EIF2B3: variants seen among roughly 807,000 people sequenced by gnomAD.
The protein encoded by EIF2B3 is eukaryotic translation initiation factor 2B subunit gamma.
EIF2B3 carries 20 observed loss-of-function variants against 54.1 expected under a neutral mutation model. That is an observed-to-expected ratio of 0.37 (90% CI 0.26 to 0.54). EIF2B3 has a LOEUF of 0.54. EIF2B3 is among the 20% of genes least tolerant of loss of function. The probability of loss-of-function intolerance (pLI) is 0.86; values close to 1 mark genes in which losing one functional copy is unlikely to be tolerated. For missense variants in EIF2B3, 448 were observed against 547.8 expected, an observed-to-expected ratio of 0.82 and a Z score of 1.82; for synonymous variants, 153 against 188.1, an observed-to-expected ratio of 0.81 and a Z score of 1.52.
chr1:44,883,530 T>A (rs1487367772), intron 6 of EIF2B3, among the ~76,000 whole-genome samples: 2 of 152,082 alleles, frequency 1.3e-5, no homozygotes, highest in African/African-American at 4.8e-5. Flanking sequence ...GTGGCCCCCA[T>A]CCAAAACTGG....
intron 8 of EIF2B3, among the ~76,000 whole-genome samples, chr1:44,875,984 CTG>C (rs1197762259): frequency 6.6e-6 from 1 of 152,246 alleles, no homozygotes; most frequent in Non-Finnish European, 1.5e-5. Context: ...ACGGGTTTCG[CTG>C]TGTTGGCCGG....
chr1:44,851,836 T>C (rs1654280015), intron 11 of EIF2B3, among the ~76,000 whole-genome samples: 1 of 152,152 alleles, frequency 6.6e-6, no homozygotes, highest in African/African-American at 2.4e-5. Flanking sequence ...AAGTTGTGGC[T>C]ATTATTATTT....
At position 44,941,636 on chromosome 1, in the gene EIF2B3, C is replaced by G. The variant is rs1226319737; in HGVS notation, c.324G>C (p.Leu108=). The part of the protein sequence containing the change: ...KTDVLVLSCD[L]ITDVALHEVV... ...CCTCATGTAAGGCAACGTCTGTTAT[C>G]AGATCACAGCTCAGCACCAGCACAT... Residue 108 remains leucine, a synonymous_variant, in exon 4 of 12, where the codon CTG becomes CTC. Transcript: ENST00000360403. 1 of 1,614,122 alleles carries G rather than the reference C, an allele frequency of 6.2e-7. No individual in the cohort carries two copies. Among genetic ancestry groups the G allele is most frequent in the Non-Finnish European group, 8.5e-7 (1 of 1,180,036 alleles).
At chr1:44,974,583 C>T (rs1293117644) in intron 3 of EIF2B3, among the ~76,000 whole-genome samples, 1 of 151,906 alleles carries the variant, frequency 6.6e-6, no homozygotes, top group Admixed American at 6.6e-5. Flanking sequence ...TGCTTGAGCC[C>T]AGGAGTTTGG....
intron 1 of EIF2B3, among the ~76,000 whole-genome samples, chr1:44,983,363 C>T (rs1644534538): frequency 6.6e-6 from 1 of 152,210 alleles, no homozygotes; most frequent in Non-Finnish European, 1.5e-5. Flanking sequence ...TATTATTACT[C>T]CTGGGCCCAG....
chr1:44,853,293 T>C (rs1288731216), intron 11 of EIF2B3, among the ~76,000 whole-genome samples: 2 of 151,890 alleles, frequency 1.3e-5, no homozygotes, highest in Non-Finnish European at 2.9e-5. Context: ...TTCAGTAAGT[T>C]GGAGGAAACC....
At chr1:44,934,404 CAAA>C (rs1643924722) in intron 4 of EIF2B3, among the ~76,000 whole-genome samples, 2 of 110,942 alleles carry the variant, frequency 1.8e-5, no homozygotes, top group African/African-American at 6.0e-5. Flanking sequence ...TCTCAAAAAA[CAAA>C]ACAAAACAAA....
intron 3 of EIF2B3, among the ~76,000 whole-genome samples, chr1:44,966,255 T>C (rs640666): frequency 0.68 from 102,783 of 151,510 alleles, 36,927 homozygotes; most frequent in East Asian, 0.98. Context: ...CTGGCTAACA[T>C]GGTGAAACCC....
intron 5 of EIF2B3, among the ~76,000 whole-genome samples, chr1:44,899,992 C>T (rs1643246701): frequency 6.6e-6 from 1 of 152,174 alleles, no homozygotes; most frequent in Admixed American, 6.5e-5. Flanking sequence ...TCATGAAATA[C>T]TATGCAGCTA....
At chr1:44,924,983 G>A (rs1037326153) in intron 5 of EIF2B3, 5 of 152,042 alleles carry the variant, frequency 3.3e-5, no homozygotes, top group African/African-American at 1.2e-4. Context: ...TATTTGTTTT[G>A]ATATAACATA....
intron 6 of EIF2B3, among the ~76,000 whole-genome samples, chr1:44,883,006 C>T (rs1296759060): frequency 1.7e-4 from 23 of 135,516 alleles, no homozygotes; most frequent in South Asian, 2.3e-4. Flanking sequence ...CTTGGCTTAT[C>T]GCAACCTCCA....
intron 10 of EIF2B3, among the ~76,000 whole-genome samples, chr1:44,872,127 G>A (rs557798471): frequency 1.6e-4 from 24 of 152,236 alleles, no homozygotes; most frequent in African/African-American, 5.5e-4. Flanking sequence ...TGACATACCA[G>A]ACTCAGTCGG....
intron 6 of EIF2B3, among the ~76,000 whole-genome samples, chr1:44,887,894 T>C (rs1276670458): frequency 6.6e-6 from 1 of 151,684 alleles, no homozygotes; most frequent in East Asian, 1.9e-4. Flanking sequence ...CCAGACTCTG[T>C]CTCCCCCCAA....
chr1:44,984,932 G>A (rs989185882), intron 1 of EIF2B3, among the ~76,000 whole-genome samples: 1 of 147,528 alleles, frequency 6.8e-6, no homozygotes. Context: ...TCAGCCTCCC[G>A]AGTAGCTGGG....
intron 10 of EIF2B3, among the ~76,000 whole-genome samples, chr1:44,865,675 G>C (rs1207357779): frequency 6.6e-6 from 1 of 151,650 alleles, no homozygotes; most frequent in East Asian, 1.9e-4. Context: ...TCCACCTTCC[G>C]GGGTTCAAGT....
intron 7 of EIF2B3, among the ~76,000 whole-genome samples, chr1:44,880,971 A>T (rs188794030): frequency 3.0e-4 from 45 of 152,086 alleles, no homozygotes; most frequent in South Asian, 2.3e-3. Context: ...AAAAAAATAA[A>T]AAAAAAAAAA....
chr1:44,919,509 C>G (rs938590107), intron 5 of EIF2B3, among the ~76,000 whole-genome samples: 5 of 152,086 alleles, frequency 3.3e-5, no homozygotes, highest in African/African-American at 9.7e-5. Flanking sequence ...TACTTAAGTG[C>G]TCCAAATCGT....
intron 3 of EIF2B3, 73 bp downstream of exon 3, chr1:44,978,242 T>C: frequency 1.3e-6 from 2 of 1,572,366 alleles, no homozygotes; most frequent in South Asian, 1.1e-5. Flanking sequence ...AAAAAAAGAC[T>C]ATAATGCACT....
intron 3 of EIF2B3, among the ~76,000 whole-genome samples, chr1:44,951,744 C>A (rs1469184491): frequency 2.0e-5 from 3 of 151,622 alleles, no homozygotes; most frequent in Non-Finnish European, 4.4e-5. Flanking sequence ...GAGATAATTT[C>A]ATATATTCTC....
Sources: gnomAD v4.1 joint callset for allele counts (sites outside exome capture counted in the v4.1 genomes callset) on GRCh38, gnomAD v4.1.1 for gene constraint, MANE v1.5 for transcripts, NCBI Gene and HGNC (gene_info 2026-07-23, HGNC 2026-07-21) for gene names.